Variants in UNC5D observed in about 807,000 individuals in gnomAD.
UNC5D encodes the protein unc-5 netrin receptor D, also known as netrin receptor UNC5D.
A neutral mutation model predicts 105.4 loss-of-function variants in UNC5D; 39 were observed. That is an observed-to-expected ratio of 0.37 (90% confidence interval 0.29 to 0.48). The LOEUF (loss-of-function observed/expected upper bound fraction) is 0.48. UNC5D is among the 20% of genes least tolerant of loss of function. The pLI, the probability that UNC5D is intolerant of heterozygous loss-of-function variation, is 0.98. For missense variants in UNC5D, 991 were observed against 1,202.4 expected, an observed-to-expected ratio of 0.82 and a Z score of 2.60; for synonymous variants, 452 against 450.4, an observed-to-expected ratio of 1.00 and a Z score of -0.04.
chr8:35,300,446 C>CAA lies in UNC5D; in HGVS notation c.103+64606_103+64607dup, dbSNP rs752599540. ...TGGGCAACAGAGAGAGACTCCCTCT[C>CAA]AAAAAAAAAAAAAAAAAAAAAAAAA... On this transcript the variant is annotated intron_variant, in intron 1 of 16. Transcript: ENST00000404895. 3.4e-5 allele frequency among the ~76,000 whole-genome samples: 2 copies of CAA among 58,416 alleles called. 1 individual carries two copies. Among genetic ancestry groups the CAA allele is most frequent in the African/African-American group, 1.3e-4 (2 of 15,582 alleles). 38.3% of individuals were successfully genotyped at this position (58,416 alleles called of 152,430 possible).
intron 1 of UNC5D, among the ~76,000 whole-genome samples, chr8:35,395,394 T>A (rs7839131): frequency 0.53 from 81,022 of 152,000 alleles, 22,363 homozygotes; most frequent in East Asian, 0.7. Context: ...CTGATAGGGT[T>A]AAAGAGAACA....
intron 1 of UNC5D, among the ~76,000 whole-genome samples, chr8:35,426,865 G>T (rs1224087509): frequency 6.6e-6 from 1 of 152,062 alleles, no homozygotes; most frequent in Non-Finnish European, 1.5e-5. Flanking sequence ...TGGACTCTAG[G>T]GTAGTCACCC....
At chr8:35,332,480 T>C (rs1322725455) in intron 1 of UNC5D, among the ~76,000 whole-genome samples, 3 of 152,240 alleles carry the variant, frequency 2.0e-5, no homozygotes, top group Admixed American at 1.3e-4. Flanking sequence ...AATGAAAAGA[T>C]TTCATGTGAA....
intron 1 of UNC5D, among the ~76,000 whole-genome samples, chr8:35,424,550 A>T (rs940991954): frequency 1.3e-5 from 2 of 152,172 alleles, no homozygotes; most frequent in Non-Finnish European, 2.9e-5. Context: ...CAGCTACAGA[A>T]TCTTCTACAA....
intron 7 of UNC5D, among the ~76,000 whole-genome samples, chr8:35,702,582 C>T (rs915600829): frequency 2.6e-5 from 4 of 151,898 alleles, no homozygotes; most frequent in South Asian, 2.1e-4. Context: ...GTTCCATGGC[C>T]GGGAGCCTTG....
At chr8:35,509,382 C>A (rs931980473) in intron 1 of UNC5D, among the ~76,000 whole-genome samples, 1 of 150,402 alleles carries the variant, frequency 6.6e-6, no homozygotes, top group Non-Finnish European at 1.5e-5. Flanking sequence ...CAAGAAGCAG[C>A]AAGGGAGGAA....
intron 1 of UNC5D, among the ~76,000 whole-genome samples, chr8:35,331,648 C>A (rs944375041): frequency 6.6e-6 from 1 of 152,108 alleles, no homozygotes; most frequent in Non-Finnish European, 1.5e-5. Context: ...ACACAGAAAT[C>A]TTTTTAATGT....
chr8:35,606,646 A>T (rs1820311729), intron 4 of UNC5D, among the ~76,000 whole-genome samples: 1 of 152,114 alleles, frequency 6.6e-6, no homozygotes, highest in Non-Finnish European at 1.5e-5. Context: ...CTCAGTGTTT[A>T]GCTCCCACTT....
rs746183746 is a variant in UNC5D, at chr8:35,790,486, C to A, written c.2785C>A (p.His929Asn). 1 of 1,613,922 alleles carries A rather than the reference C, an allele frequency of 6.2e-7. No individual in the cohort carries two copies. The highest frequency in any genetic ancestry group is 8.5e-7 in the Non-Finnish European group (1 of 1,179,868). ...TGCCCTTGAAGAGATTGGGAGGACA[C>A]ACACGAAACTCTCAAACATTTCAGA... ...ACALEEIGRT[H>N]TKLSNISESQ... The change falls in exon 17 of 17, where the codon CAC (histidine) becomes AAC (asparagine). Residue 929 changes from histidine (H) to asparagine (N), a missense_variant. Transcript: ENST00000404895.
chr8:35,770,505 G>A (rs971856409), intron 15 of UNC5D, among the ~76,000 whole-genome samples: 1 of 152,032 alleles, frequency 6.6e-6, no homozygotes. Context: ...CTTTAGTGTG[G>A]TCATTATTGT....
chr8:35,303,685 A>G (rs1474916697), intron 1 of UNC5D, among the ~76,000 whole-genome samples: 3 of 152,168 alleles, frequency 2.0e-5, no homozygotes, highest in African/African-American at 7.2e-5. Context: ...ATGGGCTCGA[A>G]TGCCTAAAAT....
chr8:35,779,342 CTTTTTA>C (rs1698046493), intron 16 of UNC5D, among the ~76,000 whole-genome samples: 1 of 152,124 alleles, frequency 6.6e-6, no homozygotes, highest in Non-Finnish European at 1.5e-5. Flanking sequence ...TTTTATGATA[CTTTTTA>C]TTTTTAAATT....
chr8:35,568,362 A>C, intron 3 of UNC5D, 121 bp downstream of exon 3: 1 of 1,322,472 alleles, frequency 7.6e-7, no homozygotes, highest in Non-Finnish European at 1.0e-6. Context: ...TCTTAAATTT[A>C]CTCTTCTAAA....
At chr8:35,607,709 A>C (rs1219019182) in intron 4 of UNC5D, among the ~76,000 whole-genome samples, 1 of 151,976 alleles carries the variant, frequency 6.6e-6, no homozygotes, top group Non-Finnish European at 1.5e-5. Context: ...CATTTTTGTA[A>C]AGGGCTTTTT....
At chr8:35,406,212 C>G (rs1171904236) in intron 1 of UNC5D, among the ~76,000 whole-genome samples, 1 of 152,096 alleles carries the variant, frequency 6.6e-6, no homozygotes, top group Non-Finnish European at 1.5e-5. Flanking sequence ...ACTGAATTAT[C>G]TTTAATAACA....
chr8:35,597,646 GT>G (rs1204733491), intron 4 of UNC5D, among the ~76,000 whole-genome samples: 1 of 152,116 alleles, frequency 6.6e-6, no homozygotes, highest in Non-Finnish European at 1.5e-5. Context: ...GGGTGCTAAT[GT>G]TTTGATTAGC....
chr8:35,460,691 G>A (rs1808823459), intron 1 of UNC5D, among the ~76,000 whole-genome samples: 1 of 152,226 alleles, frequency 6.6e-6, no homozygotes, highest in Admixed American at 6.5e-5. Flanking sequence ...CAAGCTGCTT[G>A]AAGCCTTTGC....
Position 35,357,118 on chromosome 8 carries a change from A to G in UNC5D, c.103+121231A>G, listed in dbSNP as rs113562962. ...TCTCTTGTTCATCTACAGTCTCTTAATTGATTTCCCTGTTAACCAGTTTTA... is the reference window on the plus strand; with the variant it reads ...TCTCTTGTTCATCTACAGTCTCTTAGTTGATTTCCCTGTTAACCAGTTTTA... On this transcript the variant is annotated intron_variant, in intron 1 of 16. Coordinates refer to ENST00000404895, the MANE Select transcript of UNC5D (RefSeq NM_080872.4). Among the ~76,000 whole-genome samples, 421 of 152,210 alleles carry G rather than the reference A, an allele frequency of 2.8e-3. 6 individuals carry two copies. The highest frequency in any genetic ancestry group is 9.4e-3 in the African/African-American group (392 of 41,524).
intron 1 of UNC5D, among the ~76,000 whole-genome samples, chr8:35,403,817 T>C (rs1308674870): frequency 2.0e-5 from 3 of 152,192 alleles, no homozygotes; most frequent in African/African-American, 7.2e-5. Context: ...AACTGAATAA[T>C]TAGATCAAGC....
Sources: gnomAD v4.1 joint callset for allele counts (sites outside exome capture counted in the v4.1 genomes callset) on GRCh38, gnomAD v4.1.1 for gene constraint, MANE v1.5 for transcripts, NCBI Gene and HGNC (gene_info 2026-07-23, HGNC 2026-07-21) for gene names.